The following CDC123 variants were observed in gnomAD, a reference collection of about 807,000 sequenced individuals.
The protein encoded by CDC123 is cell division cycle 123.
A neutral mutation model predicts 54.4 loss-of-function variants in CDC123; 37 were observed. That is an observed-to-expected ratio of 0.68 (90% CI 0.52 to 0.89). The LOEUF (loss-of-function observed/expected upper bound fraction) is 0.89. Among genes scored for constraint, CDC123 ranks in the 40% least tolerant of loss-of-function variants. CDC123 has a pLI of 0.00. For missense variants in CDC123, 361 were observed against 412.1 expected (o/e 0.88, Z 1.07); for synonymous variants, 144 against 136.8 (o/e 1.05, Z -0.37).
intron 6 of CDC123, among the ~76,000 whole-genome samples, chr10:12,217,693 A>G (rs747813237): frequency 2.0e-5 from 3 of 152,252 alleles, no homozygotes; most frequent in Non-Finnish European, 2.9e-5. Flanking sequence ...GTCTCTGCCC[A>G]TTAAACATTT....
chr10:12,210,244 C>A, intron 3 of CDC123, 46 bp from the exon 4 acceptor site: 1 of 1,603,776 alleles, frequency 6.2e-7, no homozygotes, highest in Non-Finnish European at 8.5e-7. Flanking sequence ...AAGCCCAGTG[C>A]AGTATTTAAA....
At chr10:12,230,259 C>T (rs1588679274) in intron 6 of CDC123, among the ~76,000 whole-genome samples, 1 of 151,414 alleles carries the variant, frequency 6.6e-6, no homozygotes, top group African/African-American at 2.4e-5. Context: ...GTGGCACTGT[C>T]TCGGCTCACT....
chr10:12,196,345 T>G, intron 1 of CDC123, 26 bp downstream of exon 1: 1 of 1,613,820 alleles, frequency 6.2e-7, no homozygotes, highest in Non-Finnish European at 8.5e-7. Flanking sequence ...GTTCGCCCGG[T>G]CGACCGGCAA....
chr10:12,237,850 T>C (rs186003029), intron 9 of CDC123, among the ~76,000 whole-genome samples: 3 of 152,352 alleles, frequency 2.0e-5, no homozygotes, highest in African/African-American at 7.2e-5. Context: ...ACAAAGTCTA[T>C]CTACCTTTCT....
intron 8 of CDC123, among the ~76,000 whole-genome samples, chr10:12,235,633 T>C (rs1331684855): frequency 1.3e-5 from 2 of 152,252 alleles, no homozygotes; most frequent in Non-Finnish European, 2.9e-5. Context: ...AACTTAAATA[T>C]TGAAGATAAT....
At chr10:12,247,432 GTCC>G (rs1215932682) in intron 11 of CDC123, 1 of 124,490 alleles carries the variant, frequency 8.0e-6, no homozygotes, top group Non-Finnish European at 1.6e-5. Flanking sequence ...CGGACACTGT[GTCC>G]TCCTCTCTCA....
intron 6 of CDC123, among the ~76,000 whole-genome samples, chr10:12,224,402 T>C (rs1835777868): frequency 6.6e-6 from 1 of 152,120 alleles, no homozygotes; most frequent in Non-Finnish European, 1.5e-5. Flanking sequence ...CATAATTTCA[T>C]AGTAGCTTTC....
chr10:12,236,889 TCAAAA>T (rs112365247), intron 8 of CDC123, among the ~76,000 whole-genome samples: 149,171 of 150,414 alleles, frequency 0.99, 73,973 homozygotes, highest in Admixed American at 1. Flanking sequence ...AGACTCCGTC[TCAAAA>T]CAAAACAAAA....
intron 6 of CDC123, among the ~76,000 whole-genome samples, chr10:12,229,498 C>T (rs931284194): frequency 6.6e-6 from 1 of 152,244 alleles, no homozygotes; most frequent in Admixed American, 6.5e-5. Context: ...TCTCACTGCC[C>T]TCCCTGCCTT....
At chr10:12,243,984 A>T (rs1373690081) in intron 10 of CDC123, among the ~76,000 whole-genome samples, 2 of 152,176 alleles carry the variant, frequency 1.3e-5, no homozygotes, top group African/African-American at 4.8e-5. Flanking sequence ...GAGGTGAGGA[A>T]ACAACTCAAG....
At chr10:12,235,645 T>G (rs1835969376) in intron 8 of CDC123, among the ~76,000 whole-genome samples, 1 of 152,240 alleles carries the variant, frequency 6.6e-6, no homozygotes, top group Admixed American at 6.5e-5. Context: ...GAAGATAATT[T>G]GTTCTTTATT....
chr10:12,249,488 G>A, intron 11 of CDC123, 93 bp from the exon 12 acceptor site: 2 of 1,268,078 alleles, frequency 1.6e-6, no homozygotes, highest in South Asian at 1.4e-5. Flanking sequence ...AAAACATGGA[G>A]TTGAAATTGT....
chr10:12,236,430 C>G (rs1835977180), intron 8 of CDC123, among the ~76,000 whole-genome samples: 1 of 152,002 alleles, frequency 6.6e-6, no homozygotes. Context: ...GAGACCCCGT[C>G]TCTACAAAAA....
intron 11 of CDC123, among the ~76,000 whole-genome samples, chr10:12,249,134 A>G (rs1227041010): frequency 6.6e-6 from 1 of 151,744 alleles, no homozygotes; most frequent in Non-Finnish European, 1.5e-5. Context: ...CCTCAAAAAA[A>G]AAAAAAAAAA....
At chr10:12,234,477 C>T (rs1489831929) in intron 7 of CDC123, among the ~76,000 whole-genome samples, 4 of 152,218 alleles carry the variant, frequency 2.6e-5, no homozygotes, top group South Asian at 2.1e-4. Flanking sequence ...CCTCAGTCTC[C>T]GAAAGTGCTG....
At chr10:12,243,659 C>CT (rs1473942373) in intron 10 of CDC123, among the ~76,000 whole-genome samples, 1 of 151,928 alleles carries the variant, frequency 6.6e-6, no homozygotes, top group Non-Finnish European at 1.5e-5. Context: ...TGGCGGACGC[C>CT]TGTAGTCCCA....
At chr10:12,227,543 G>T (rs931736998) in intron 6 of CDC123, among the ~76,000 whole-genome samples, 2 of 151,542 alleles carry the variant, frequency 1.3e-5, no homozygotes, top group Admixed American at 6.6e-5. Context: ...TATTGCCCAG[G>T]CTGGAGTGCA....
chr10:12,215,666 T>G (rs2131740459), intron 4 of CDC123, 74 bp from the exon 5 acceptor site: 1,590 of 771,530 alleles, frequency 2.1e-3, no homozygotes, highest in Non-Finnish European at 2.7e-3. Flanking sequence ...ACTATAACCT[T>G]GAGATTTTGA....
At chr10:12,241,485 A>G (rs995615895) in intron 10 of CDC123, among the ~76,000 whole-genome samples, 1 of 152,104 alleles carries the variant, frequency 6.6e-6, no homozygotes, top group Non-Finnish European at 1.5e-5. Context: ...CGTGTTTGGT[A>G]TGCGATATGG....
Sources: gnomAD v4.1 joint callset for allele counts (sites outside exome capture counted in the v4.1 genomes callset) on GRCh38, gnomAD v4.1.1 for gene constraint, MANE v1.5 for transcripts, NCBI Gene and HGNC (gene_info 2026-07-23, HGNC 2026-07-21) for gene names.